NTN4: variants seen among roughly 807,000 people sequenced by gnomAD.
NTN4 encodes netrin-4.
A neutral mutation model predicts 73.6 loss-of-function variants in NTN4; 32 were observed. The observed-to-expected ratio is 0.44, with a 90% CI of 0.33 to 0.58. The LOEUF (loss-of-function observed/expected upper bound fraction) is 0.58. Among genes scored for constraint, NTN4 ranks in the 20% least tolerant of loss-of-function variants. The pLI is 0.04. For missense variants in NTN4, 654 were observed against 798.3 expected, an observed-to-expected ratio of 0.82 and a Z score of 2.18; for synonymous variants, 258 against 287.5, an observed-to-expected ratio of 0.90 and a Z score of 1.04.
chr12:95,672,307 G>T, intron 7 of NTN4: 1 of 777,350 alleles, frequency 1.3e-6, no homozygotes, highest in Admixed American at 1.7e-5. Context: ...CCGCCGCCAT[G>T]GCCGCCTACA....
rs886422319 is a variant in NTN4, at chr12:95,658,976, T to G, written c.*110A>C. On this transcript the variant is annotated 3_prime_UTR_variant, in exon 10 of 10. Coordinates refer to ENST00000343702, the MANE Select transcript of NTN4 (RefSeq NM_021229.4). ...TAAGACCCATGCATTCAAACATTTC[T>G]ATATGTTTTGGCACTTTAAAAAATT... The G allele has an allele frequency of 1.1e-6, 1 of 939,340 alleles. No individual in the cohort carries two copies. Among genetic ancestry groups the G allele is most frequent in the African/African-American group, 1.6e-5 (1 of 60,612 alleles). 58.2% of individuals were successfully genotyped at this position (939,340 alleles called of 1,614,324 possible). A position where few individuals can be genotyped will look rare whatever the true frequency, so the allele number is the denominator to read the frequency against.
chr12:95,706,907 C>T (rs956504688), intron 5 of NTN4, among the ~76,000 whole-genome samples: 4 of 152,146 alleles, frequency 2.6e-5, no homozygotes, highest in Non-Finnish European at 5.9e-5. Context: ...GATTGCTGGG[C>T]CCCATCTGCA....
chr12:95,729,373 T>A (rs2121145337), intron 3 of NTN4, among the ~76,000 whole-genome samples: 1 of 152,182 alleles, frequency 6.6e-6, no homozygotes, highest in South Asian at 2.1e-4. Context: ...AGATGCCAAA[T>A]TAGAATCCCA....
intron 5 of NTN4, among the ~76,000 whole-genome samples, chr12:95,687,582 A>G (rs1189274682): frequency 1.3e-5 from 2 of 151,660 alleles, no homozygotes; most frequent in African/African-American, 4.8e-5. Context: ...TGTATTTTTA[A>G]TAGAGATGGA....
intron 2 of NTN4, among the ~76,000 whole-genome samples, chr12:95,777,945 A>C (rs2079106072): frequency 6.6e-6 from 1 of 152,192 alleles, no homozygotes; most frequent in South Asian, 2.1e-4. Context: ...AAAGAACAGA[A>C]ATTATAACAA....
chr12:95,759,628 T>A (rs1157414518), intron 2 of NTN4, among the ~76,000 whole-genome samples: 1 of 151,822 alleles, frequency 6.6e-6, no homozygotes, highest in Non-Finnish European at 1.5e-5. Context: ...ACCTGGCTAA[T>A]TTTTGTGTAT....
intron 3 of NTN4, among the ~76,000 whole-genome samples, chr12:95,723,523 A>AT (rs896015195): frequency 9.6e-4 from 143 of 149,598 alleles, no homozygotes; most frequent in East Asian, 5.1e-3. Flanking sequence ...TTTCAGCATT[A>AT]TTTTTTTTTT....
intron 8 of NTN4, among the ~76,000 whole-genome samples, chr12:95,666,825 G>C (rs543844876): frequency 9.2e-5 from 14 of 152,346 alleles, no homozygotes; most frequent in African/African-American, 2.6e-4. Context: ...AATGCAAGCT[G>C]ACTGGAGTTA....
intron 2 of NTN4, among the ~76,000 whole-genome samples, chr12:95,784,085 A>G (rs1384833890): frequency 2.6e-5 from 4 of 152,258 alleles, no homozygotes; most frequent in Admixed American, 1.3e-4. Flanking sequence ...ATATAGGTCT[A>G]TAATATTGCA....
intron 7 of NTN4, among the ~76,000 whole-genome samples, chr12:95,680,079 T>C (rs11108192): frequency 0.046 from 7,071 of 152,278 alleles, 487 homozygotes; most frequent in East Asian, 0.26. Flanking sequence ...CTAAAACATA[T>C]CTTATTCCCT....
chr12:95,664,481 A>C (rs2078164170), intron 9 of NTN4, among the ~76,000 whole-genome samples: 1 of 152,226 alleles, frequency 6.6e-6, no homozygotes, highest in African/African-American at 2.4e-5. Flanking sequence ...ACACTTGGCC[A>C]AAATCAAAAG....
At position 95,663,822 on chromosome 12, in the gene NTN4, T is replaced by C. The variant is rs186143047; in HGVS notation, c.1750+1988A>G. Among the ~76,000 whole-genome samples, 17 of 152,334 alleles carry C rather than the reference T, an allele frequency of 1.1e-4. No individual in the cohort carries two copies. In the East Asian group the frequency reaches 2.9e-3, roughly 26 times the overall value. On this transcript the variant is annotated intron_variant, in intron 9 of 9. Coordinates refer to ENST00000343702, the MANE Select transcript of NTN4 (RefSeq NM_021229.4). ...TTGGCAGAAACCTGATTAGGAAGTA[T>C]AGTTCACTTCCTGGAGGGTGGCTCA...
chr12:95,733,004 G>C (rs375672378), intron 3 of NTN4, among the ~76,000 whole-genome samples: 1 of 152,064 alleles, frequency 6.6e-6, no homozygotes, highest in Non-Finnish European at 1.5e-5. Context: ...AGACTTAGAC[G>C]CATCAGTCAA....
intron 2 of NTN4, among the ~76,000 whole-genome samples, chr12:95,752,881 C>T (rs2078920592): frequency 6.6e-6 from 1 of 152,230 alleles, no homozygotes; most frequent in African/African-American, 2.4e-5. Context: ...TCACTCTCTA[C>T]ATTTCTCATA....
rs753730047 is a variant in NTN4 at position 95,683,607 on chromosome 12, G to T, written c.1285C>A (p.Arg429=). ...CCCACCATGCACCTGTCACAACGTC[G>T]CCCTGCCACCCCAGGCTTGCAAGGG... ...DCPCKPGVAG[R]RCDRCMVGYW... The change falls in exon 6 of 10, where the codon CGA becomes AGA. Residue 429 remains arginine (R), a synonymous_variant. Coordinates refer to ENST00000343702, the MANE Select transcript of NTN4 (RefSeq NM_021229.4). 2.5e-6 allele frequency: 4 copies of T among 1,614,106 alleles called. No individual in the cohort carries two copies. The Admixed American group carries it at 6.7e-5, about 27-fold the overall frequency.
chr12:95,768,201 G>T (rs947799886), intron 2 of NTN4, among the ~76,000 whole-genome samples: 2 of 152,186 alleles, frequency 1.3e-5, no homozygotes, highest in Admixed American at 6.5e-5. Flanking sequence ...GCTTGCTAAA[G>T]AATGTGGTAA....
intron 7 of NTN4, chr12:95,672,275 C>A: frequency 1.4e-6 from 1 of 739,306 alleles, no homozygotes; most frequent in South Asian, 1.4e-5. Context: ...ATCTGAACCC[C>A]AGCTGGCACT....
chr12:95,710,597 G>A lies in NTN4; in HGVS notation c.1024C>T (p.His342Tyr). 1 of 1,614,114 alleles carries A rather than the reference G, an allele frequency of 6.2e-7. No homozygotes were observed. The highest frequency in any genetic ancestry group is 1.1e-5 in the South Asian group (1 of 91,052). ...CKCNGHADTC[H>Y]FDVNVWEASG... Reference sequence around the variant, plus strand: ...GCCTCCCACACATTAACGTCGAAGTGACAGGTATCAGCATGCCCATTACAC... The same window carrying A: ...GCCTCCCACACATTAACGTCGAAGTAACAGGTATCAGCATGCCCATTACAC... Residue 342 changes from histidine (H) to tyrosine (Y), a missense_variant, in exon 5 of 10, where the codon CAC (histidine) becomes TAC (tyrosine). Transcript: ENST00000343702.
intron 4 of NTN4, 87 bp from the exon 5 acceptor site, chr12:95,710,716 G>A: frequency 1.5e-6 from 2 of 1,320,476 alleles, no homozygotes; most frequent in South Asian, 1.4e-5. Flanking sequence ...AAAATAGGAT[G>A]AGTTGGCCAG....
Sources: allele counts gnomAD v4.1 joint callset (sites outside exome capture counted in the v4.1 genomes callset), GRCh38; gene constraint gnomAD v4.1.1; transcripts MANE v1.5; gene names NCBI Gene and HGNC (gene_info 2026-07-23, HGNC 2026-07-21).